Variants in TECPR2 observed in about 807,000 individuals in gnomAD.
TECPR2 encodes tectonin beta-propeller repeat-containing protein 2.
In TECPR2, 65 loss-of-function variants were observed where a neutral mutation model predicts 138.1. The ratio of observed to expected loss-of-function variants is 0.47; its 90% CI spans 0.39 to 0.58. TECPR2 has a LOEUF of 0.58. Among genes scored for constraint, TECPR2 ranks in the 20% least tolerant of loss-of-function variants. The probability of loss-of-function intolerance (pLI) is 0.00; values close to 1 mark genes in which losing one functional copy is unlikely to be tolerated. For synonymous variants in TECPR2, 746 were observed against 749.8 expected, an observed-to-expected ratio of 0.99 and a Z score of 0.08; for missense variants, 1,553 against 1,824.5, an observed-to-expected ratio of 0.85 and a Z score of 2.71.
intron 10 of TECPR2, among the ~76,000 whole-genome samples, chr14:102,439,021 C>G (rs3783376): frequency 6.6e-6 from 1 of 151,842 alleles, no homozygotes; most frequent in Admixed American, 6.6e-5. Context: ...GCCACCACGC[C>G]CAGCTAATTT....
rs997614507 is a variant in TECPR2, at chr14:102,496,425, G to A, written c.3790-554G>A. 2.0e-5 allele frequency among the ~76,000 whole-genome samples: 3 copies of A among 152,242 alleles called. No individual in the cohort carries two copies. In the South Asian group the frequency reaches 6.2e-4, roughly 32 times the overall value. On this transcript the variant is annotated intron_variant, in intron 17 of 19. Transcript: ENST00000359520. The stretch of plus-strand genomic sequence containing the variant: ...TCCTGTGAAGAGCAGACAAAGGACC[G>A]GAGATGCTGAGCATGGACAGAGGCT...
At chr14:102,383,728 A>G (rs1217682639) in intron 2 of TECPR2, among the ~76,000 whole-genome samples, 1 of 151,370 alleles carries the variant, frequency 6.6e-6, no homozygotes, top group Non-Finnish European at 1.5e-5. Flanking sequence ...TTTTAGAAAA[A>G]CTGTATAACT....
chr14:102,441,095 C>T (rs1055943878), intron 11 of TECPR2, among the ~76,000 whole-genome samples: 18 of 152,038 alleles, frequency 1.2e-4, no homozygotes, highest in Non-Finnish European at 2.1e-4. Context: ...GACGGAGTCT[C>T]GCTCTCTTGC....
chr14:102,403,277 C>T (rs544095360), intron 2 of TECPR2, among the ~76,000 whole-genome samples: 2 of 152,240 alleles, frequency 1.3e-5, no homozygotes, highest in East Asian at 3.9e-4. Flanking sequence ...AAATGAGGGA[C>T]AAAATCACAT....
At chr14:102,364,807 G>A (rs183758455) in intron 1 of TECPR2, among the ~76,000 whole-genome samples, 1 of 152,292 alleles carries the variant, frequency 6.6e-6, no homozygotes, top group East Asian at 1.9e-4. Context: ...AGAAAAGGAA[G>A]GAAACAGGCA....
At position 102,450,808 on chromosome 14, in the gene TECPR2, G is replaced by A. The variant is rs898262390; in HGVS notation, c.3406+159G>A. Among the ~76,000 whole-genome samples, 5 of 152,194 alleles carry A rather than the reference G, an allele frequency of 3.3e-5. No individual in the cohort carries two copies. The East Asian group carries it at 7.7e-4, about 23-fold the overall frequency. ...GCCAGTAGCCCTTGTTAGCTGAGCC[G>A]AGGGCCCTGAATCGGGATAGGCCTG... On this transcript the variant is annotated intron_variant, in intron 15 of 19. Transcript: ENST00000359520.
In TECPR2 at chr14:102,408,599, T is replaced by G; in HGVS notation, c.460T>G (p.Ser154Ala). Residue 154 changes from serine (S) to alanine (A), a missense_variant, in exon 4 of 20, where the codon TCT (serine) becomes GCT (alanine). Coordinates refer to ENST00000359520, the MANE Select transcript of TECPR2 (RefSeq NM_014844.5). ...AGATGACAAAGGCAAAATTGTTTAT[T>G]CTTCTCTGGATCTAGACCAGGTAAA... is the stretch of plus-strand genomic sequence containing the variant. ...SGDDKGKIVY[S>A]SLDLDQGLCN... 6.2e-7 allele frequency: 1 copy of G among 1,613,320 alleles called. No homozygotes were observed. Among genetic ancestry groups the G allele is most frequent in the South Asian group, 1.1e-5 (1 of 90,762 alleles).
intron 1 of TECPR2, among the ~76,000 whole-genome samples, chr14:102,373,279 G>A (rs1887555919): frequency 6.6e-6 from 1 of 152,050 alleles, no homozygotes; most frequent in Admixed American, 6.5e-5. Flanking sequence ...AACTTACAGA[G>A]TTTCAACTTA....
chr14:102,478,802 G>A (rs1890822747), intron 17 of TECPR2, among the ~76,000 whole-genome samples: 2 of 152,100 alleles, frequency 1.3e-5, no homozygotes, highest in African/African-American at 4.8e-5. Context: ...GATCACCTGA[G>A]CTCAGGAGTT....
chr14:102,434,461 T>G lies in TECPR2; in HGVS notation c.1644T>G (p.Asn548Lys), dbSNP rs72700613. The G allele has an allele frequency of 1.8e-3, 2,711 of 1,545,150 alleles. 6 individuals are homozygous for G. The highest frequency in any genetic ancestry group is 2.2e-3 in the Non-Finnish European group (2,553 of 1,148,110). Reference sequence around the variant, plus strand: ...AAAATACTGACCCCGAAACGTTTAATGTCCTGGAGGTGTCAGGATCAATGC... The same window carrying G: ...AAAATACTGACCCCGAAACGTTTAAGGTCCTGGAGGTGTCAGGATCAATGC... ...PQENTDPETF[N>K]VLEVSGSMPD... Residue 548 changes from asparagine (N) to lysine (K), a missense_variant, in exon 9 of 20, where the codon AAT (asparagine) becomes AAG (lysine). Asn to Lys is a moderately conservative substitution (Grantham distance 94). Coordinates refer to ENST00000359520, the MANE Select transcript of TECPR2 (RefSeq NM_014844.5).
chr14:102,481,867 AC>A (rs1436228340), intron 17 of TECPR2, among the ~76,000 whole-genome samples: 1 of 148,510 alleles, frequency 6.7e-6, no homozygotes, highest in African/African-American at 2.5e-5. Context: ...TCCCCCAGCC[AC>A]CCACCTCCCT....
chr14:102,436,115 CTCT>C (rs1889663862), intron 9 of TECPR2, among the ~76,000 whole-genome samples: 1 of 152,116 alleles, frequency 6.6e-6, no homozygotes, highest in South Asian at 2.1e-4. Flanking sequence ...AAAATAGGCA[CTCT>C]TCTTGTCCCC....
chr14:102,407,610 TC>T, intron 3 of TECPR2, 144 bp downstream of exon 3: 2 of 1,146,706 alleles, frequency 1.7e-6, no homozygotes, highest in South Asian at 3.5e-5. Flanking sequence ...ATGCCTGTAA[TC>T]CCAGTACTTT....
intron 1 of TECPR2, among the ~76,000 whole-genome samples, chr14:102,369,870 G>A (rs1348746751): frequency 6.6e-6 from 1 of 151,830 alleles, no homozygotes; most frequent in Non-Finnish European, 1.5e-5. Context: ...AGGCAGAATG[G>A]CATGAACCCG....
At chr14:102,432,298 T>TACACACACACACACACACACACACACAC (rs10650505) in intron 8 of TECPR2, among the ~76,000 whole-genome samples, 170 bp downstream of exon 8, 14 of 148,902 alleles carry the variant, frequency 9.4e-5, no homozygotes, top group African/African-American at 3.5e-4. Flanking sequence ...TAACGGAAAA[T>TACACACACACACACACACACACACACAC]ACACACACAC....
chr14:102,497,468 G>T, intron 18 of TECPR2, 102 bp from the exon 19 acceptor site: 1 of 1,383,678 alleles, frequency 7.2e-7, no homozygotes, highest in South Asian at 1.7e-5. Context: ...CGTCCCCGCA[G>T]GGACCCTGGT....
intron 1 of TECPR2, among the ~76,000 whole-genome samples, chr14:102,371,960 A>G (rs2139651124): frequency 6.6e-6 from 1 of 152,288 alleles, no homozygotes; most frequent in South Asian, 2.1e-4. Flanking sequence ...ATATCTCAGT[A>G]TGATGAGATT....
intron 4 of TECPR2, among the ~76,000 whole-genome samples, chr14:102,411,391 G>C (rs1888856142): frequency 6.6e-6 from 1 of 152,248 alleles, no homozygotes; most frequent in Admixed American, 6.5e-5. Context: ...CAAAAGAAGT[G>C]AATATGCCCT....
Position 102,499,402 on chromosome 14 carries a change from A to C in TECPR2, c.*1145A>C. On this transcript the variant is annotated 3_prime_UTR_variant, in exon 20 of 20. Transcript: ENST00000359520. Reference sequence around the variant, plus strand: ...ATTTAGAAGAGAGATATGTTTTCCGAAAACAGTGGAAGCCCTTTGTTCCTT... The same window carrying C: ...ATTTAGAAGAGAGATATGTTTTCCGCAAACAGTGGAAGCCCTTTGTTCCTT... 1.7e-6 allele frequency: 1 copy of C among 593,464 alleles called. No homozygotes were observed. The highest frequency in any genetic ancestry group is 3.0e-6 in the Non-Finnish European group (1 of 333,082). The allele number at this position is 593,464 out of a possible 1,614,324, so 36.8% of individuals were successfully genotyped here.
Sources: gnomAD v4.1 joint callset for allele counts (sites outside exome capture counted in the v4.1 genomes callset) on GRCh38, gnomAD v4.1.1 for gene constraint, MANE v1.5 for transcripts, NCBI Gene and HGNC (gene_info 2026-07-23, HGNC 2026-07-21) for gene names.